Variants in KIF15 observed in about 807,000 individuals in gnomAD.
KIF15 encodes kinesin family member 15, also known as kinesin-like protein KIF15.
In KIF15, 140 loss-of-function variants were observed where a neutral mutation model predicts 190.6. The ratio of observed to expected loss-of-function variants is 0.73; its 90% CI spans 0.64 to 0.84. The LOEUF is 0.84. KIF15 is among the 40% of genes least tolerant of loss of function. The pLI, the probability that KIF15 is intolerant of heterozygous loss-of-function variation, is 0.00. For missense variants in KIF15, 1,372 were observed against 1,584.4 expected (o/e 0.87, Z 2.28); for synonymous variants, 528 against 551.3 (o/e 0.96, Z 0.59).
intron 10 of KIF15, among the ~76,000 whole-genome samples, 189 bp downstream of exon 10, chr3:44,798,145 G>T (rs2125631297): frequency 6.6e-6 from 1 of 151,618 alleles, no homozygotes; most frequent in East Asian, 1.9e-4. Flanking sequence ...TAGATCTTAT[G>T]GTTGTTATTG....
chr3:44,829,742 T>C (rs1449791485), intron 24 of KIF15, among the ~76,000 whole-genome samples: 1 of 139,500 alleles, frequency 7.2e-6, no homozygotes, highest in Non-Finnish European at 1.5e-5. Context: ...ATATTATATA[T>C]GTATATATTA....
At chr3:44,799,763 A>T (rs1160369959) in intron 10 of KIF15, among the ~76,000 whole-genome samples, 5 of 132,198 alleles carry the variant, frequency 3.8e-5, no homozygotes, top group South Asian at 2.4e-4. Context: ...GTAAAAAATT[A>T]AAAAAAAAAA....
chr3:44,831,384 C>T (rs1698065495), intron 26 of KIF15, among the ~76,000 whole-genome samples: 1 of 152,010 alleles, frequency 6.6e-6, no homozygotes, highest in South Asian at 2.1e-4. Flanking sequence ...ATAATTTCAC[C>T]AAAATTATTA....
intron 26 of KIF15, among the ~76,000 whole-genome samples, chr3:44,833,850 G>A (rs1176868774): frequency 6.6e-6 from 1 of 152,162 alleles, no homozygotes; most frequent in Non-Finnish European, 1.5e-5. Context: ...CAAGCCAATT[G>A]AAAAGTTAGT....
intron 6 of KIF15, chr3:44,862,120 G>T (rs753798856): frequency 9.0e-6 from 11 of 1,223,306 alleles, no homozygotes; most frequent in Non-Finnish European, 1.0e-5. Flanking sequence ...CAGCGAGGTC[G>T]AGCCCGGGGC....
chr3:44,826,243 A>T, intron 21 of KIF15, 54 bp downstream of exon 21: 3 of 1,555,788 alleles, frequency 1.9e-6, no homozygotes, highest in African/African-American at 1.4e-5. Flanking sequence ...TTTTGAGTGT[A>T]GGACAAGGAC....
chr3:44,807,637 G>A (rs1707576073), intron 16 of KIF15, among the ~76,000 whole-genome samples: 2 of 152,086 alleles, frequency 1.3e-5, no homozygotes, highest in Non-Finnish European at 2.9e-5. Flanking sequence ...ATGTCACCAA[G>A]TATTTTCTCA....
chr3:44,825,895 G>A (rs1697610827), intron 20 of KIF15, 144 bp from the exon 21 acceptor site: 1 of 644,434 alleles, frequency 1.6e-6, no homozygotes, highest in African/African-American at 1.9e-5. Flanking sequence ...ATTTCACACA[G>A]GTCCATAAGG....
At chr3:44,814,128 A>G (rs1707924731) in intron 19 of KIF15, among the ~76,000 whole-genome samples, 1 of 152,206 alleles carries the variant, frequency 6.6e-6, no homozygotes, top group East Asian at 1.9e-4. Context: ...TAGCCATTCT[A>G]TTTTCTTTGA....
Position 44,788,230 on chromosome 3 carries a change from A to G in KIF15, c.639+1656A>G, listed in dbSNP as rs568803271. Among the ~76,000 whole-genome samples, 22 of 152,348 alleles carry G rather than the reference A, an allele frequency of 1.4e-4. No individual in the cohort carries two copies. In the Middle Eastern group the frequency reaches 0.014, roughly 94 times the overall value. On this transcript the variant is annotated intron_variant, in intron 7 of 34. Coordinates refer to ENST00000326047, the MANE Select transcript of KIF15 (RefSeq NM_020242.3). ...TTGATTTTTATAAGATGCTTTTATA[A>G]TCAGCCACCTTGCTGTCTTAAAAAA... is the stretch of plus-strand genomic sequence containing the variant.
intron 30 of KIF15, 109 bp from the exon 31 acceptor site, chr3:44,847,876 T>G (rs1225518480): frequency 1.3e-6 from 1 of 751,224 alleles, no homozygotes; most frequent in African/African-American, 1.8e-5. Flanking sequence ...AGCCTTTCTT[T>G]GTACACCTTG....
intron 1 of KIF15, 40 bp downstream of exon 1, chr3:44,761,924 C>A: frequency 1.2e-6 from 2 of 1,613,910 alleles, no homozygotes; most frequent in Non-Finnish European, 1.7e-6. Flanking sequence ...TATTTTTGCC[C>A]CCAAATACAG....
intron 26 of KIF15, 40 bp downstream of exon 26, chr3:44,831,058 T>C (rs200702392): frequency 1.3e-6 from 2 of 1,595,216 alleles, no homozygotes; most frequent in Non-Finnish European, 1.7e-6. Context: ...TTTGCCTTAT[T>C]ACTTGTCAAT....
chr3:44,819,169 A>C (rs1031707361), intron 20 of KIF15, among the ~76,000 whole-genome samples: 2 of 151,876 alleles, frequency 1.3e-5, no homozygotes, highest in Non-Finnish European at 2.9e-5. Context: ...AGTCTTATCA[A>C]TTTTGTTGAT....
At chr3:44,810,540 A>G (rs757685766) in intron 16 of KIF15, among the ~76,000 whole-genome samples, 20 of 152,122 alleles carry the variant, frequency 1.3e-4, no homozygotes, top group Admixed American at 5.2e-4. Context: ...GATTATAGCC[A>G]TGAACCACCA....
intron 24 of KIF15, among the ~76,000 whole-genome samples, chr3:44,828,701 G>A (rs1374098295): frequency 6.6e-6 from 1 of 152,186 alleles, no homozygotes; most frequent in Non-Finnish European, 1.5e-5. Context: ...ATTCTTCTAT[G>A]TCTAGCTCAT....
At chr3:44,765,847 C>G (rs1331479161) in intron 1 of KIF15, 2 of 153,310 alleles carry the variant, frequency 1.3e-5, no homozygotes, top group East Asian at 3.8e-4. Flanking sequence ...CACCCCCTCT[C>G]CCCCAGACGG....
At chr3:44,822,219 G>C (rs1359851963) in intron 20 of KIF15, among the ~76,000 whole-genome samples, 4 of 152,184 alleles carry the variant, frequency 2.6e-5, no homozygotes, top group Non-Finnish European at 5.9e-5. Context: ...AAATCTCTCA[G>C]CATTTGCTTG....
Position 44,794,288 on chromosome 3 carries a change from T to C in KIF15, c.711T>C (p.His237=), listed in dbSNP as rs1410453571. 1.2e-6 allele frequency: 2 copies of C among 1,614,072 alleles called. No homozygotes were observed. The highest frequency in any genetic ancestry group is 1.7e-6 in the Non-Finnish European group (2 of 1,180,010). The change falls in exon 8 of 35, where the codon CAT becomes CAC. Residue 237 remains histidine (H), a synonymous_variant. Coordinates refer to ENST00000326047, the MANE Select transcript of KIF15 (RefSeq NM_020242.3). ...TGAACAGAGAATCGTCTAGGTCTCA[T>C]GCCGTCTTTACAATTACAATAGAGT... ...TSMNRESSRS[H]AVFTITIESM... is the part of the protein sequence containing the mutation.
Sources: gnomAD v4.1 joint callset for allele counts (sites outside exome capture counted in the v4.1 genomes callset) on GRCh38, gnomAD v4.1.1 for gene constraint, MANE v1.5 for transcripts, NCBI Gene and HGNC (gene_info 2026-07-23, HGNC 2026-07-21) for gene names.